Variants in CCDC180 observed in about 807,000 individuals in gnomAD.
CCDC180 encodes coiled-coil domain-containing protein 180.
In CCDC180, 154 loss-of-function variants were observed where a neutral mutation model predicts 209.2. That is an observed-to-expected ratio of 0.74 (90% CI 0.65 to 0.84). The LOEUF is 0.84. Among genes scored for constraint, CCDC180 ranks in the 40% least tolerant of loss-of-function variants. CCDC180 has a pLI of 0.00. For synonymous variants in CCDC180, 778 were observed against 749.1 expected (o/e 1.04, Z -0.63); for missense variants, 1,874 against 1,997.3 (o/e 0.94, Z 1.18).
Position 97,357,709 on chromosome 9 carries a change from C to G in CCDC180, c.3347C>G (p.Ser1116Cys), listed in dbSNP as rs755455992. 3.7e-6 allele frequency: 6 copies of G among 1,610,092 alleles called. No homozygotes were observed. In the African/African-American group the frequency reaches 8.0e-5, roughly 22 times the overall value. ...AACAAGATAAAAACTTGTCAAGAGT[C>G]CAGGGGAGAGAAAACCGTAAGTGTT... The part of the protein sequence containing the change: ...LQNKIKTCQE[S>C]RGEKTTVTTE... The change falls in exon 25 of 37, where the codon TCC becomes TGC. Residue 1116 changes from serine (S) to cysteine (C), a missense_variant. Transcript: ENST00000529487.
chr9:97,340,818 G>A (rs1273091890), intron 18 of CCDC180, among the ~76,000 whole-genome samples: 4 of 152,130 alleles, frequency 2.6e-5, no homozygotes, highest in African/African-American at 4.8e-5. Context: ...TTCCCCGGGG[G>A]AGTTTAGAGA....
At chr9:97,352,151 T>C (rs1263684431) in intron 22 of CCDC180, among the ~76,000 whole-genome samples, 2 of 143,002 alleles carry the variant, frequency 1.4e-5, no homozygotes, top group African/African-American at 5.1e-5. Flanking sequence ...CAACAAACAA[T>C]AAAGACGATA....
intron 16 of CCDC180, among the ~76,000 whole-genome samples, chr9:97,328,402 G>C (rs1833605811): frequency 6.6e-6 from 1 of 152,070 alleles, no homozygotes; most frequent in Non-Finnish European, 1.5e-5. Flanking sequence ...ATGGTGCTTG[G>C]AATTCCATTT....
chr9:97,361,994 C>A, intron 27 of CCDC180, 96 bp downstream of exon 27: 1 of 1,418,026 alleles, frequency 7.1e-7, no homozygotes, highest in East Asian at 2.4e-5. Flanking sequence ...ACTGGGGTTC[C>A]CACGTGAGTC....
chr9:97,359,900 C>G lies in CCDC180; in HGVS notation c.3364-82C>G, dbSNP rs189693165. ...AGAGGTATCCTCATCAGCCCAGCCCCTGTTCCCGCACTTCCCACAGAATCT... is the reference window on the plus strand; with the variant it reads ...AGAGGTATCCTCATCAGCCCAGCCCGTGTTCCCGCACTTCCCACAGAATCT... On this transcript the variant is annotated intron_variant, in intron 25 of 36. Coordinates refer to ENST00000529487, the MANE Select transcript of CCDC180 (RefSeq NM_020893.6). 1,334 of 1,560,296 alleles carry G rather than the reference C, an allele frequency of 8.5e-4. 9 individuals carry two copies. In the Middle Eastern group the frequency reaches 0.011, roughly 13 times the overall value.
chr9:97,312,068 T>A, intron 3 of CCDC180, 45 bp from the exon 4 acceptor site: 1 of 1,557,962 alleles, frequency 6.4e-7, no homozygotes, highest in Non-Finnish European at 8.9e-7. Flanking sequence ...CTGCCATGGA[T>A]GGCATCAGGA....
Position 97,314,887 on chromosome 9 carries a change from G to C in CCDC180, c.736G>C (p.Glu246Gln), listed in dbSNP as rs750044356. 7.4e-6 allele frequency: 12 copies of C among 1,614,058 alleles called. No individual in the cohort carries two copies. In the Admixed American group the frequency reaches 1.0e-4, roughly 13 times the overall value. The change falls in exon 8 of 37, where the codon GAG (glutamate) becomes CAG (glutamine). Residue 246 changes from glutamate to glutamine, a missense_variant. Glu to Gln is a conservative substitution (Grantham distance 29). Coordinates refer to ENST00000529487, the MANE Select transcript of CCDC180 (RefSeq NM_020893.6). ...SVLKKYAEVI[E>Q]KTSYLMRPEV... is the part of the protein sequence containing the mutation. The stretch of plus-strand genomic sequence containing the variant: ...GTTGAAGAAATATGCAGAAGTCATA[G>C]AGAAAACTTCCTACCTCATGCGGCC...
At position 97,318,629 on chromosome 9, in the gene CCDC180, G is replaced by T. The variant is rs764091431; in HGVS notation, c.1079+47G>T. 7.5e-6 allele frequency: 12 copies of T among 1,600,180 alleles called. No homozygotes were observed. In the South Asian group the frequency reaches 8.8e-5, roughly 12 times the overall value. ...CAGGAGGGGTGCTTCTTGGGGTGCA[G>T]TGAGGGAGGCAGAAGTGGCCTGCAG... On this transcript the variant is annotated intron_variant, in intron 10 of 36. Coordinates refer to ENST00000529487, the MANE Select transcript of CCDC180 (RefSeq NM_020893.6).
rs1189600989 is a variant in CCDC180 at position 97,314,646 on chromosome 9, C to T, written c.617C>T (p.Ala206Val). ...CTGCTGGAGCTGTGGGATAAGGTGGCCGGGCGGTTACTGCTCCGGAAGCAG... is the reference window on the plus strand; with the variant it reads ...CTGCTGGAGCTGTGGGATAAGGTGGTCGGGCGGTTACTGCTCCGGAAGCAG... Reference protein sequence around the residue: ...QALLELWDKVAGRLLLRKQEI... With the variant: ...QALLELWDKVVGRLLLRKQEI... The change falls in exon 7 of 37, where the codon GCC becomes GTC. Residue 206 changes from alanine to valine, a missense_variant. Physicochemically the swap from Ala to Val is moderately conservative, Grantham distance 64. Coordinates refer to ENST00000529487, the MANE Select transcript of CCDC180 (RefSeq NM_020893.6). The T allele has an allele frequency of 6.2e-7, 1 of 1,613,932 alleles. No homozygotes were observed. The highest frequency in any genetic ancestry group is 8.5e-7 in the Non-Finnish European group (1 of 1,179,994).
At chr9:97,346,955 A>G (rs1029009467) in intron 19 of CCDC180, among the ~76,000 whole-genome samples, 5 of 152,208 alleles carry the variant, frequency 3.3e-5, no homozygotes, top group African/African-American at 9.7e-5. Context: ...ACGTCTGACA[A>G]TACACTCTGA....
At chr9:97,313,175 T>C (rs1833046878) in intron 4 of CCDC180, 61 bp from the exon 5 acceptor site, 2 of 1,093,864 alleles carry the variant, frequency 1.8e-6, no homozygotes. Context: ...GCTGTCTGCC[T>C]GTGCTGCCTT....
chr9:97,313,425 C>T, intron 5 of CCDC180, 80 bp downstream of exon 5: 4 of 944,840 alleles, frequency 4.2e-6, no homozygotes, highest in Non-Finnish European at 3.3e-6. Context: ...AGCCTTCCTC[C>T]CCCTCTCCAG....
intron 22 of CCDC180, among the ~76,000 whole-genome samples, chr9:97,354,359 G>GATA (rs1417077059): frequency 6.6e-6 from 1 of 152,136 alleles, no homozygotes; most frequent in African/African-American, 2.4e-5. Context: ...GGGTCTGTTA[G>GATA]AGTCTCCAAC....
At chr9:97,321,061 C>T (rs1055114272) in intron 11 of CCDC180, among the ~76,000 whole-genome samples, 1 of 152,196 alleles carries the variant, frequency 6.6e-6, no homozygotes, top group African/African-American at 2.4e-5. Flanking sequence ...AGCTCCCAGT[C>T]AGCCCCCCAA....
chr9:97,363,668 C>A, intron 28 of CCDC180: 1 of 507,188 alleles, frequency 2.0e-6, no homozygotes, highest in Non-Finnish European at 4.1e-6. Context: ...ATATGAAATT[C>A]AAGTTTAAAT....
At chr9:97,370,842 T>C in intron 33 of CCDC180, 64 bp downstream of exon 33, 1 of 1,558,286 alleles carries the variant, frequency 6.4e-7, no homozygotes, top group Non-Finnish European at 8.8e-7. Flanking sequence ...GGACAGCCAC[T>C]GACAGTGCCA....
intron 16 of CCDC180, among the ~76,000 whole-genome samples, chr9:97,329,832 G>C (rs1358417835): frequency 6.6e-6 from 1 of 152,178 alleles, no homozygotes; most frequent in Non-Finnish European, 1.5e-5. Flanking sequence ...ACTTTGGGAG[G>C]CCGAGGCGGG....
intron 18 of CCDC180, 127 bp downstream of exon 18, chr9:97,330,894 A>G (rs1225075239): frequency 5.3e-6 from 5 of 942,814 alleles, no homozygotes; most frequent in Non-Finnish European, 7.9e-6. Flanking sequence ...AGAGAATTAC[A>G]AAAATATTCA....
Position 97,318,457 on chromosome 9 carries a change from C to T in CCDC180, c.960-6C>T, listed in dbSNP as rs765147901. ...CCTTTATGGTGCCAACATGTCTGGC[C>T]ACCAGTGAGTTCATGGCCAGTGAGA... On this transcript the variant is annotated splice_polypyrimidine_tract_variant and splice_region_variant and intron_variant, in intron 9 of 36. Transcript: ENST00000529487. 3 of 1,613,222 alleles carry T rather than the reference C, an allele frequency of 1.9e-6. No individual in the cohort carries two copies. Among genetic ancestry groups the T allele is most frequent in the Non-Finnish European group, 2.5e-6 (3 of 1,179,692 alleles).
Sources: allele counts gnomAD v4.1 joint callset (sites outside exome capture counted in the v4.1 genomes callset), GRCh38; gene constraint gnomAD v4.1.1; transcripts MANE v1.5; gene names NCBI Gene and HGNC (gene_info 2026-07-23, HGNC 2026-07-21).